The following RBFOX1 variants were observed in gnomAD, a reference collection of about 807,000 sequenced individuals.
RBFOX1 encodes the protein RNA binding protein fox-1 homolog 1.
A neutral mutation model predicts 57.7 loss-of-function variants in RBFOX1; 8 were observed. The ratio of observed to expected loss-of-function variants is 0.14; its 90% CI spans 0.08 to 0.25. The LOEUF is 0.25. Among genes scored for constraint, RBFOX1 ranks in the 10% least tolerant of loss-of-function variants. The pLI is 1.00. For synonymous variants in RBFOX1, 326 were observed against 222.4 expected, an observed-to-expected ratio of 1.47 and a Z score of -4.15; for missense variants, 611 against 548.5, an observed-to-expected ratio of 1.11 and a Z score of -1.14.
chr16:7,363,794 C>A (rs1014297324), intron 4 of RBFOX1, among the ~76,000 whole-genome samples: 1 of 151,940 alleles, frequency 6.6e-6, no homozygotes, highest in African/African-American at 2.4e-5. Flanking sequence ...GTTTCAGGGG[C>A]CGAAAATAAG....
chr16:7,355,517 G>T (rs1282911450), intron 4 of RBFOX1, among the ~76,000 whole-genome samples: 1 of 152,036 alleles, frequency 6.6e-6, no homozygotes, highest in Non-Finnish European at 1.5e-5. Flanking sequence ...ATGTGTACAA[G>T]GACACCATGC....
rs1338955202 is a variant in RBFOX1 at position 6,846,953 on chromosome 16, C to T, written c.-16+192303C>T. ...AAAAGAGGTGATGGCTACAGTTTTA[C>T]CATGTCTTTGGGGGCAAAGTGATTT... is the stretch of plus-strand genomic sequence containing the variant. On this transcript the variant is annotated intron_variant, in intron 3 of 15. Coordinates refer to ENST00000550418, the MANE Select transcript of RBFOX1 (RefSeq NM_018723.4). Among the ~76,000 whole-genome samples the T allele has an allele frequency of 2.0e-5, 3 of 151,892 alleles. No homozygotes were observed. The East Asian group carries it at 5.8e-4, about 29-fold the overall frequency.
intron 14 of RBFOX1, among the ~76,000 whole-genome samples, chr16:7,705,683 G>A (rs1313931135): frequency 6.6e-6 from 1 of 152,148 alleles, no homozygotes; most frequent in Non-Finnish European, 1.5e-5. Context: ...TTATATTTAA[G>A]TGGAGAGATG....
At chr16:6,691,233 C>A (rs1407317495) in intron 3 of RBFOX1, among the ~76,000 whole-genome samples, 2 of 152,104 alleles carry the variant, frequency 1.3e-5, no homozygotes, top group East Asian at 3.9e-4. Context: ...TTTTCTGTCC[C>A]TATAAAATTA....
At chr16:6,939,567 G>A (rs184049955) in intron 3 of RBFOX1, among the ~76,000 whole-genome samples, 6 of 149,538 alleles carry the variant, frequency 4.0e-5, no homozygotes, top group Non-Finnish European at 7.4e-5. Flanking sequence ...CTGGAGTTCA[G>A]TGGGAGTGAT....
intron 4 of RBFOX1, among the ~76,000 whole-genome samples, chr16:7,056,174 C>G (rs567059792): frequency 2.0e-5 from 3 of 152,254 alleles, no homozygotes; most frequent in Admixed American, 6.5e-5. Flanking sequence ...CTTCCTGTCC[C>G]CTACCCTTCC....
chr16:7,522,502 A>G (rs2077727844), intron 5 of RBFOX1, among the ~76,000 whole-genome samples: 1 of 152,184 alleles, frequency 6.6e-6, no homozygotes, highest in African/African-American at 2.4e-5. Flanking sequence ...GTGGAGAGAG[A>G]TGCAGAAGGG....
chr16:6,497,677 C>G (rs1260445868), intron 2 of RBFOX1, among the ~76,000 whole-genome samples: 1 of 152,046 alleles, frequency 6.6e-6, no homozygotes, highest in African/African-American at 2.4e-5. Flanking sequence ...CTGCCTCAGC[C>G]TCCTGAGTAG....
intron 3 of RBFOX1, among the ~76,000 whole-genome samples, chr16:5,648,050 G>C (rs2049107452): frequency 6.6e-6 from 1 of 152,144 alleles, no homozygotes; most frequent in Non-Finnish European, 1.5e-5. Context: ...GGTAGAGACA[G>C]GGTTTCACTG....
chr16:7,414,719 G>A (rs991458157), intron 4 of RBFOX1, among the ~76,000 whole-genome samples: 3 of 152,174 alleles, frequency 2.0e-5, no homozygotes, highest in Non-Finnish European at 2.9e-5. Context: ...CCGGGTTCAA[G>A]CGATTCTTGT....
chr16:7,071,267 G>C (rs1407686174), intron 4 of RBFOX1, among the ~76,000 whole-genome samples: 1 of 152,046 alleles, frequency 6.6e-6, no homozygotes, highest in Non-Finnish European at 1.5e-5. Context: ...GTAATGTCTT[G>C]CTCTCAAGGG....
intron 4 of RBFOX1, among the ~76,000 whole-genome samples, chr16:7,509,302 G>A (rs928589456): frequency 6.6e-6 from 1 of 151,860 alleles, no homozygotes; most frequent in African/African-American, 2.4e-5. Context: ...AGGTCTATAG[G>A]GACAAAGATG....
intron 1 of RBFOX1, among the ~76,000 whole-genome samples, chr16:5,299,108 C>A (rs2063745068): frequency 6.6e-6 from 1 of 151,154 alleles, no homozygotes; most frequent in Non-Finnish European, 1.5e-5. Flanking sequence ...CAGGGGCAAC[C>A]ACTGTTCTAA....
At chr16:7,660,427 C>T (rs1050709669) in intron 12 of RBFOX1, among the ~76,000 whole-genome samples, 2 of 152,166 alleles carry the variant, frequency 1.3e-5, no homozygotes, top group Non-Finnish European at 2.9e-5. Context: ...TCTATAGCTG[C>T]ACCGCAGACA....
chr16:7,169,721 T>G (rs950700225), intron 4 of RBFOX1, among the ~76,000 whole-genome samples: 1 of 152,188 alleles, frequency 6.6e-6, no homozygotes, highest in African/African-American at 2.4e-5. Context: ...CATATGATGA[T>G]ACAGAGCATT....
chr16:6,215,403 G>A (rs375331332), intron 1 of RBFOX1, among the ~76,000 whole-genome samples: 4 of 145,326 alleles, frequency 2.8e-5, no homozygotes, highest in African/African-American at 7.7e-5. Context: ...AAGAAAACAG[G>A]CAGAGAGGGA....
At chr16:5,740,804 C>G (rs1409063595) in intron 3 of RBFOX1, among the ~76,000 whole-genome samples, 1 of 151,984 alleles carries the variant, frequency 6.6e-6, no homozygotes, top group Non-Finnish European at 1.5e-5. Context: ...TTTTACTGTC[C>G]CCATAGTTTT....
chr16:6,732,326 C>G (rs769581842), intron 3 of RBFOX1, among the ~76,000 whole-genome samples: 1 of 152,216 alleles, frequency 6.6e-6, no homozygotes, highest in Admixed American at 6.5e-5. Flanking sequence ...GGCTCCTGTT[C>G]AGATTCTCAC....
rs371453146 is a variant in RBFOX1 at position 6,123,905 on chromosome 16, T to C, written c.-127+103913T>C. ...GAGCGAGACTCCCTCAAAAAAAGAA[T>C]AGCTAAAAGGTAAATTTTATGTTAG... On this transcript the variant is annotated intron_variant, in intron 1 of 15. Coordinates refer to ENST00000550418, the MANE Select transcript of RBFOX1 (RefSeq NM_018723.4). 3.9e-5 allele frequency among the ~76,000 whole-genome samples: 6 copies of C among 152,064 alleles called. 2 individuals are homozygous for C. The highest frequency in any genetic ancestry group is 1.3e-4 in the Admixed American group (2 of 15,280).
Sources: gnomAD v4.1 joint callset for allele counts (sites outside exome capture counted in the v4.1 genomes callset) on GRCh38, gnomAD v4.1.1 for gene constraint, MANE v1.5 for transcripts, NCBI Gene and HGNC (gene_info 2026-07-23, HGNC 2026-07-21) for gene names.